Variants in NADSYN1 observed in about 807,000 individuals in gnomAD.
The protein encoded by NADSYN1 is NAD synthetase 1, also known as glutamine-dependent NAD(+) synthetase.
NADSYN1 carries 80 observed loss-of-function variants against 99.3 expected under a neutral mutation model. The observed-to-expected ratio is 0.81, with a 90% CI of 0.67 to 0.97. The LOEUF (loss-of-function observed/expected upper bound fraction) is 0.97. NADSYN1 is among the 50% of genes least tolerant of loss of function. The pLI, the probability that NADSYN1 is intolerant of heterozygous loss-of-function variation, is 0.00. For missense variants in NADSYN1, 859 were observed against 948.5 expected (o/e 0.91, Z 1.24); for synonymous variants, 385 against 372.1 (o/e 1.03, Z -0.40).
chr11:71,482,078 G>A, intron 13 of NADSYN1, 53 bp downstream of exon 13: 2 of 1,524,756 alleles, frequency 1.3e-6, no homozygotes, highest in Non-Finnish European at 1.8e-6. Flanking sequence ...CCCTTGGGCT[G>A]CCTGAGTTAG....
chr11:71,486,532 C>T (rs1168209623), intron 16 of NADSYN1, among the ~76,000 whole-genome samples: 3 of 152,044 alleles, frequency 2.0e-5, no homozygotes, highest in Non-Finnish European at 4.4e-5. Context: ...TCCATCCATT[C>T]ATCTACCCAC....
intron 16 of NADSYN1, among the ~76,000 whole-genome samples, chr11:71,489,950 G>C (rs1318504581): frequency 6.6e-6 from 1 of 152,214 alleles, no homozygotes; most frequent in Non-Finnish European, 1.5e-5. Context: ...AGAACCTGGA[G>C]GCCTGCACCA....
At chr11:71,498,043 C>A (rs1231354344) in intron 19 of NADSYN1, among the ~76,000 whole-genome samples, 2 of 152,212 alleles carry the variant, frequency 1.3e-5, no homozygotes, top group African/African-American at 4.8e-5. Context: ...GGCAGGGAGA[C>A]CCCAGTTTCA....
chr11:71,490,640 G>A (rs771308658), intron 16 of NADSYN1, among the ~76,000 whole-genome samples: 2 of 152,158 alleles, frequency 1.3e-5, no homozygotes, highest in Admixed American at 6.5e-5. Context: ...CATCCCCGGC[G>A]TCTCCTCTGG....
chr11:71,456,437 T>C (rs143967530), intron 2 of NADSYN1, among the ~76,000 whole-genome samples: 353 of 152,332 alleles, frequency 2.3e-3, no homozygotes, highest in Non-Finnish European at 2.2e-3. Context: ...GATCTTCTCC[T>C]GGGCTGGACT....
At chr11:71,463,899 G>A (rs966236437) in intron 4 of NADSYN1, among the ~76,000 whole-genome samples, 154 bp from the exon 5 acceptor site, 1 of 152,226 alleles carries the variant, frequency 6.6e-6, no homozygotes, top group Non-Finnish European at 1.5e-5. Context: ...GTCATAGAAA[G>A]CGGAAGCCCA....
chr11:71,484,589 C>A, intron 15 of NADSYN1, 142 bp downstream of exon 15: 2 of 1,266,718 alleles, frequency 1.6e-6, no homozygotes, highest in Non-Finnish European at 1.1e-6. Flanking sequence ...ACAGCCAGTG[C>A]TGGGGTCACA....
chr11:71,473,241 C>G, intron 6 of NADSYN1, 37 bp from the exon 7 acceptor site: 1 of 1,581,790 alleles, frequency 6.3e-7, no homozygotes, highest in Non-Finnish European at 8.7e-7. Context: ...CAGGGCATGG[C>G]TAGTGAATCT....
chr11:71,455,232 A>G, intron 2 of NADSYN1, 62 bp downstream of exon 2: 1 of 1,424,848 alleles, frequency 7.0e-7, no homozygotes, highest in Non-Finnish European at 9.9e-7. Flanking sequence ...AGTTTTCCCC[A>G]GCTGAGAAGG....
intron 18 of NADSYN1, 49 bp from the exon 19 acceptor site, chr11:71,497,434 C>G (rs780900779): frequency 6.2e-7 from 1 of 1,612,302 alleles, no homozygotes; most frequent in Non-Finnish European, 8.5e-7. Flanking sequence ...TAGGCTCTCC[C>G]CCCGCTGTGA....
chr11:71,469,072 T>C (rs1479424756), intron 5 of NADSYN1, among the ~76,000 whole-genome samples: 4 of 152,200 alleles, frequency 2.6e-5, no homozygotes, highest in South Asian at 4.1e-4. Context: ...TCAGTGTAGT[T>C]TCCATAAGAA....
At chr11:71,464,167 T>A in intron 5 of NADSYN1, 25 bp downstream of exon 5, 1 of 1,572,958 alleles carries the variant, frequency 6.4e-7, no homozygotes, top group Non-Finnish European at 8.7e-7. Flanking sequence ...TGACCACTCC[T>A]GGGATGTGCG....
chr11:71,485,775 T>A, intron 16 of NADSYN1, 127 bp downstream of exon 16: 3 of 693,314 alleles, frequency 4.3e-6, no homozygotes, highest in Non-Finnish European at 4.6e-6. Context: ...ATGACATCAT[T>A]CCTCTAGAAT....
intron 14 of NADSYN1, among the ~76,000 whole-genome samples, chr11:71,483,812 A>G (rs1949724809): frequency 6.6e-6 from 1 of 152,224 alleles, no homozygotes; most frequent in South Asian, 2.1e-4. Flanking sequence ...AGATGAACGG[A>G]GGAAGAAACT....
intron 15 of NADSYN1, 106 bp from the exon 16 acceptor site, chr11:71,485,436 G>A: frequency 1.2e-6 from 1 of 841,276 alleles, no homozygotes; most frequent in South Asian, 1.8e-5. Flanking sequence ...ACGCTAGAGA[G>A]CTCCTAAGCT....
rs780616859 is a variant in NADSYN1, at chr11:71,483,032, T to C, written c.1319+15T>C. ...CAGATTGGAAGGTAGAGTTGGTCCC[T>C]GGTATTGGGCATGGCAGGTGGCTGA... On this transcript the variant is annotated intron_variant, in intron 14 of 20. Transcript: ENST00000319023. 5.0e-6 allele frequency: 8 copies of C among 1,611,410 alleles called. No individual in the cohort carries two copies. In the East Asian group the frequency reaches 6.7e-5, roughly 13 times the overall value.
At chr11:71,458,723 C>T (rs568105924) in intron 3 of NADSYN1, 179 bp downstream of exon 3, 3 of 565,262 alleles carry the variant, frequency 5.3e-6, no homozygotes, top group East Asian at 2.9e-5. Context: ...CACCTCATTT[C>T]CCCTGCAAGG....
chr11:71,481,171 G>A (rs1481812215), intron 11 of NADSYN1, 185 bp from the exon 12 acceptor site: 11 of 698,474 alleles, frequency 1.6e-5, no homozygotes, highest in Non-Finnish European at 2.7e-5. Context: ...TAATACCCAC[G>A]TCCTGGGTCT....
intron 2 of NADSYN1, among the ~76,000 whole-genome samples, chr11:71,457,958 T>C (rs1949524143): frequency 3.3e-5 from 5 of 152,190 alleles, no homozygotes; most frequent in Admixed American, 3.3e-4. Flanking sequence ...CGGACCTTTT[T>C]GGGGTTCATC....
Sources: gnomAD v4.1 joint callset for allele counts (sites outside exome capture counted in the v4.1 genomes callset) on GRCh38, gnomAD v4.1.1 for gene constraint, MANE v1.5 for transcripts, NCBI Gene and HGNC (gene_info 2026-07-23, HGNC 2026-07-21) for gene names.